The following SLC16A1 variants were observed in gnomAD, a reference collection of about 807,000 sequenced individuals.
The protein encoded by SLC16A1 is solute carrier family 16 member 1.
Under a neutral mutation model 32.2 loss-of-function variants are expected in SLC16A1, and 11 were observed. The ratio of observed to expected loss-of-function variants is 0.34; its 90% CI spans 0.21 to 0.56. SLC16A1 has a LOEUF of 0.56. Ranked by LOEUF, SLC16A1 falls within the 20% of genes least tolerant of loss-of-function variation. SLC16A1 has a pLI of 0.87. For synonymous variants in SLC16A1, 231 were observed against 226.8 expected (o/e 1.02, Z -0.17); for missense variants, 435 against 615.0 (o/e 0.71, Z 3.10).
rs141738309 is a variant in SLC16A1 at position 112,937,741 on chromosome 1, A to G, written c.-44-8389T>C. ...AGGCTAAAAGGGACTAAAGTTTAAG[A>G]TTTTAATCCTTACAATATGCACAGT... On this transcript the variant is annotated intron_variant, in intron 1 of 4. Coordinates refer to ENST00000369626, the MANE Select transcript of SLC16A1 (RefSeq NM_003051.4). Among the ~76,000 whole-genome samples the G allele has an allele frequency of 8.4e-3, 1,271 of 152,050 alleles. 21 individuals are homozygous for G. Among genetic ancestry groups the G allele is most frequent in the African/African-American group, 0.029 (1,179 of 41,342 alleles).
intron 3 of SLC16A1, among the ~76,000 whole-genome samples, chr1:112,919,907 A>G (rs528184248): frequency 1.3e-5 from 2 of 152,158 alleles, no homozygotes; most frequent in African/African-American, 4.8e-5. Context: ...TTTATATAGC[A>G]TTTATCACTA....
chr1:112,938,147 C>T (rs1158576294), intron 1 of SLC16A1, among the ~76,000 whole-genome samples: 1 of 152,140 alleles, frequency 6.6e-6, no homozygotes, highest in Non-Finnish European at 1.5e-5. Context: ...TGACAATGAC[C>T]AGTTTGTGAA....
chr1:112,924,310 T>G, intron 2 of SLC16A1: 1 of 1,396,052 alleles, frequency 7.2e-7, no homozygotes, highest in Non-Finnish European at 1.0e-6. Flanking sequence ...GCCTGGCAAT[T>G]GGTTGCTCAC....
intron 1 of SLC16A1, among the ~76,000 whole-genome samples, chr1:112,944,994 C>CTT (rs151186476): frequency 1.8e-4 from 22 of 123,274 alleles, no homozygotes; most frequent in Non-Finnish European, 3.2e-4. Flanking sequence ...CACCCAGCCT[C>CTT]TTTTTTTTTT....
At chr1:112,924,038 G>A in intron 2 of SLC16A1, 2 of 1,296,256 alleles carry the variant, frequency 1.5e-6, no homozygotes, top group Non-Finnish European at 2.2e-6. Flanking sequence ...AATGGGCAGA[G>A]ATCTACAGGA....
At chr1:112,919,404 T>C (rs148891751) in intron 3 of SLC16A1, among the ~76,000 whole-genome samples, 219 of 152,304 alleles carry the variant, frequency 1.4e-3, no homozygotes, top group Non-Finnish European at 2.3e-3. Flanking sequence ...GGTAAATGAT[T>C]CTAAAGGATA....
chr1:112,916,941 A>G (rs980713679), intron 4 of SLC16A1, among the ~76,000 whole-genome samples: 3 of 152,180 alleles, frequency 2.0e-5, no homozygotes, highest in African/African-American at 4.8e-5. Flanking sequence ...AAAAAAAGAA[A>G]AAACACTGAC....
intron 3 of SLC16A1, 71 bp from the exon 4 acceptor site, chr1:112,918,115 A>C: frequency 9.1e-7 from 1 of 1,094,340 alleles, no homozygotes; most frequent in Non-Finnish European, 1.2e-6. Context: ...AAGAGGTATA[A>C]ATAATGGAAG....
At chr1:112,946,319 C>A (rs1430737316) in intron 1 of SLC16A1, among the ~76,000 whole-genome samples, 1 of 152,026 alleles carries the variant, frequency 6.6e-6, no homozygotes, top group Non-Finnish European at 1.5e-5. Context: ...CACCTGTAAT[C>A]CCAGCACTTT....
chr1:112,953,976 C>T (rs1212147584), intron 1 of SLC16A1, among the ~76,000 whole-genome samples: 1 of 152,110 alleles, frequency 6.6e-6, no homozygotes, highest in Non-Finnish European at 1.5e-5. Flanking sequence ...ATCTGTTTTC[C>T]AGCTAGACTA....
At chr1:112,919,090 G>A (rs1236710018) in intron 3 of SLC16A1, among the ~76,000 whole-genome samples, 1 of 151,418 alleles carries the variant, frequency 6.6e-6, no homozygotes, top group Non-Finnish European at 1.5e-5. Flanking sequence ...GAGTGCAGTG[G>A]CGCGATCTCG....
At chr1:112,941,813 T>C (rs1047391135) in intron 1 of SLC16A1, among the ~76,000 whole-genome samples, 21 of 152,188 alleles carry the variant, frequency 1.4e-4, no homozygotes, top group African/African-American at 3.4e-4. Flanking sequence ...AAATTTGTGA[T>C]ACGTGATGAA....
At chr1:112,939,626 C>T (rs1649433845) in intron 1 of SLC16A1, among the ~76,000 whole-genome samples, 1 of 152,072 alleles carries the variant, frequency 6.6e-6, no homozygotes, top group South Asian at 2.1e-4. Context: ...CTGGTTCAGT[C>T]TCCTGAGTAG....
At chr1:112,929,460 T>G (rs1649051214) in intron 1 of SLC16A1, 108 bp from the exon 2 acceptor site, 5 of 691,630 alleles carry the variant, frequency 7.2e-6, no homozygotes, top group Non-Finnish European at 1.3e-5. Context: ...CTATTAGTAA[T>G]CCCAGCTACT....
At position 112,924,199 on chromosome 1, in the gene SLC16A1, C is replaced by CA. The variant is rs1368734745; in HGVS notation, c.218-2067dup. The CA allele has an allele frequency of 4.0e-6, 6 of 1,514,868 alleles. No individual in the cohort carries two copies. The African/African-American group carries it at 6.9e-5, about 17-fold the overall frequency. 93.8% of individuals were successfully genotyped at this position (1,514,868 alleles called of 1,614,324 possible). A position where few individuals can be genotyped will look rare whatever the true frequency, so the allele number is the denominator to read the frequency against. On this transcript the variant is annotated intron_variant, in intron 2 of 4. Coordinates refer to ENST00000369626, the MANE Select transcript of SLC16A1 (RefSeq NM_003051.4). ...CAGCTGCAGGGTGCCCACGGGGACG[C>CA]AGTCATCCTGGGCATGTCCAGCTTG...
chr1:112,945,909 G>A (rs1005283933), intron 1 of SLC16A1, among the ~76,000 whole-genome samples: 3 of 151,746 alleles, frequency 2.0e-5, no homozygotes, highest in Admixed American at 6.6e-5. Flanking sequence ...GGAGAATCAC[G>A]TGAACCCAGA....
chr1:112,941,091 C>CT (rs1412034898), intron 1 of SLC16A1, among the ~76,000 whole-genome samples: 1 of 152,066 alleles, frequency 6.6e-6, no homozygotes, highest in Non-Finnish European at 1.5e-5. Context: ...GGGTTCTATG[C>CT]TTACTTCCTG....
intron 1 of SLC16A1, among the ~76,000 whole-genome samples, chr1:112,930,753 C>T (rs1159033200): frequency 1.4e-5 from 2 of 142,160 alleles, no homozygotes; most frequent in African/African-American, 2.7e-5. Flanking sequence ...GAGACAGAGT[C>T]TCACTCTGTC....
At chr1:112,952,863 T>C (rs1000747504) in intron 1 of SLC16A1, among the ~76,000 whole-genome samples, 2 of 152,244 alleles carry the variant, frequency 1.3e-5, no homozygotes, top group Non-Finnish European at 2.9e-5. Flanking sequence ...TTAGTGTCCC[T>C]ATTGGTTAAA....
Sources: gnomAD v4.1 joint callset for allele counts (sites outside exome capture counted in the v4.1 genomes callset) on GRCh38, gnomAD v4.1.1 for gene constraint, MANE v1.5 for transcripts, NCBI Gene and HGNC (gene_info 2026-07-23, HGNC 2026-07-21) for gene names.